The following ZNF775 variants were observed in gnomAD, a reference collection of about 807,000 sequenced individuals.
The protein encoded by ZNF775 is zinc finger protein 775.
ZNF775 carries 1 observed loss-of-function variant against 2.4 expected under a neutral mutation model. The ratio of observed to expected loss-of-function variants is 0.41; its 90% CI spans 0.15 to 1.94. The LOEUF (loss-of-function observed/expected upper bound fraction) is 1.94. Among genes scored for constraint, ZNF775 ranks in the 30% most tolerant of loss-of-function variants. The pLI is 0.30. For missense variants in ZNF775, 823 were observed against 826.6 expected, an observed-to-expected ratio of 1.00 and a Z score of 0.05; for synonymous variants, 381 against 373.3, an observed-to-expected ratio of 1.02 and a Z score of -0.24.
chr7:150,397,440 A>G lies in ZNF775; in HGVS notation c.959A>G (p.Gln320Arg). The change falls in exon 3 of 3, where the codon CAG becomes CGG. Residue 320 changes from glutamine to arginine, a missense_variant. Coordinates refer to ENST00000329630, the MANE Select transcript of ZNF775 (RefSeq NM_173680.4). ...ACPECGRRFS[Q>R]KPNLTRHLRN... is the part of the protein sequence containing the mutation. The stretch of plus-strand genomic sequence containing the variant: ...CCCGAGTGCGGCCGCCGCTTCAGCC[A>G]GAAGCCCAACTTGACGCGGCACCTG... The G allele has an allele frequency of 6.3e-7, 1 of 1,595,300 alleles. No homozygotes were observed. The highest frequency in any genetic ancestry group is 1.1e-5 in the South Asian group (1 of 90,950).
At chr7:150,395,980 A>G (rs957772269) in intron 2 of ZNF775, among the ~76,000 whole-genome samples, 8 of 152,240 alleles carry the variant, frequency 5.3e-5, no homozygotes, top group Admixed American at 2.0e-4. Context: ...ACGGTGCTGC[A>G]GTGACCCAGG....
chr7:150,387,916 G>A (rs886078236), intron 1 of ZNF775, among the ~76,000 whole-genome samples: 3 of 152,240 alleles, frequency 2.0e-5, no homozygotes, highest in Non-Finnish European at 4.4e-5. Flanking sequence ...AAGCTCCCCA[G>A]AGGGATTTGT....
At chr7:150,393,100 T>C (rs1032204120) in intron 2 of ZNF775, among the ~76,000 whole-genome samples, 1 of 152,096 alleles carries the variant, frequency 6.6e-6, no homozygotes, top group African/African-American at 2.4e-5. Flanking sequence ...ATACAGAATA[T>C]TTCACTGCCC....
chr7:150,386,232 A>C (rs1800449645), intron 1 of ZNF775, among the ~76,000 whole-genome samples: 1 of 152,170 alleles, frequency 6.6e-6, no homozygotes, highest in South Asian at 2.1e-4. Context: ...CACCGTGCCC[A>C]GCCTTATTTA....
chr7:150,395,041 G>A (rs1235117104), intron 2 of ZNF775, among the ~76,000 whole-genome samples: 3 of 151,286 alleles, frequency 2.0e-5, no homozygotes, highest in Admixed American at 6.6e-5. Flanking sequence ...CCTCACTTGA[G>A]GCTTTAGCAG....
At position 150,398,016 on chromosome 7, in the gene ZNF775, G is replaced by C. The variant is rs1443356500; in HGVS notation, c.1535G>C (p.Ser512Thr). The change falls in exon 3 of 3, where the codon AGC (serine) becomes ACC (threonine). Residue 512 changes from serine (S) to threonine (T), a missense_variant. Physicochemically the swap from Ser to Thr is moderately conservative, Grantham distance 58. Transcript: ENST00000329630. ...TGTCCCGCCTGCGGCCGCGGCTTCA[G>C]CCAGAAGCAGCACCTGCTCAAGCAC... ...YLCPACGRGF[S>T]QKQHLLKHQR... 3 of 1,582,628 alleles carry C rather than the reference G, an allele frequency of 1.9e-6. No individual in the cohort carries two copies. Among genetic ancestry groups the C allele is most frequent in the Non-Finnish European group, 2.6e-6 (3 of 1,170,144 alleles).
At chr7:150,386,595 C>G (rs1369819843) in intron 1 of ZNF775, among the ~76,000 whole-genome samples, 1 of 151,944 alleles carries the variant, frequency 6.6e-6, no homozygotes, top group African/African-American at 2.4e-5. Context: ...GGTGGCCGAG[C>G]CAGGGTGCCT....
rs1433034986 is a variant in ZNF775 at position 150,396,574 on chromosome 7, G to A, written c.93G>A (p.Ala31=). 3 of 1,606,288 alleles carry A rather than the reference G, an allele frequency of 1.9e-6. No individual in the cohort carries two copies. Among genetic ancestry groups the A allele is most frequent in the African/African-American group, 2.7e-5 (2 of 74,882 alleles). Residue 31 remains alanine (A), a synonymous_variant, in exon 3 of 3, where the codon GCG becomes GCA. Coordinates refer to ENST00000329630, the MANE Select transcript of ZNF775 (RefSeq NM_173680.4). Reference sequence around the variant, plus strand: ...CGGAGCGGCTGCTGCAGACGCTGGCGCCGCAGGCCATGCTTGTGGAGAAGG... The same window carrying A: ...CGGAGCGGCTGCTGCAGACGCTGGCACCGCAGGCCATGCTTGTGGAGAAGG... The part of the protein sequence containing the change: ...EKPERLLQTL[A]PQAMLVEKDK...
chr7:150,397,734 G>A lies in ZNF775; in HGVS notation c.1253G>A (p.Ser418Asn), dbSNP rs760019044. 6.2e-6 allele frequency: 9 copies of A among 1,450,118 alleles called. No individual in the cohort carries two copies. Among genetic ancestry groups the A allele is most frequent in the Admixed American group, 2.7e-5 (1 of 36,762 alleles). The allele number at this position is 1,450,118 out of a possible 1,614,324, so 89.8% of individuals were successfully genotyped here. A position where few individuals can be genotyped will look rare whatever the true frequency, so the allele number is the denominator to read the frequency against. ...AIPGLAARPR[S>N]SQRSPGARDT... ...CCGGGCTTGGCCGCGAGGCCGCGGA[G>A]CTCCCAACGGTCCCCGGGGGCCCGG... The change falls in exon 3 of 3, where the codon AGC (serine) becomes AAC (asparagine). Residue 418 changes from serine to asparagine, a missense_variant. Coordinates refer to ENST00000329630, the MANE Select transcript of ZNF775 (RefSeq NM_173680.4).
At chr7:150,391,059 T>A (rs1018937514) in intron 2 of ZNF775, among the ~76,000 whole-genome samples, 5 of 152,244 alleles carry the variant, frequency 3.3e-5, no homozygotes, top group Admixed American at 6.5e-5. Flanking sequence ...CTAGTGGGGT[T>A]GAACCTCTTT....
In ZNF775 at chr7:150,397,773, G is replaced by GC; in HGVS notation, c.1294dup (p.Arg432ProfsTer40). 5 of 1,533,288 alleles carry GC rather than the reference G, an allele frequency of 3.3e-6. No homozygotes were observed. The highest frequency in any genetic ancestry group is 4.4e-6 in the Non-Finnish European group (5 of 1,144,476). 95.0% of individuals were successfully genotyped at this position (1,533,288 alleles called of 1,614,324 possible). Reference sequence around the variant, plus strand: ...CCGGGGGCCCGGGACACGCTGTGGGGCCGGGGACAAGCGGGCCTCGCTGGG... The same window carrying GC: ...CCGGGGGCCCGGGACACGCTGTGGGGCCCGGGGACAAGCGGGCCTCGCTGGG... On this transcript the variant is annotated frameshift_variant, in exon 3 of 3. Transcript: ENST00000329630. LOFTEE classifies it low-confidence loss of function (END_TRUNC).
At chr7:150,389,640 G>A (rs1194971804) in intron 2 of ZNF775, among the ~76,000 whole-genome samples, 1 of 152,188 alleles carries the variant, frequency 6.6e-6, no homozygotes, top group Non-Finnish European at 1.5e-5. Flanking sequence ...TGGTTGATGT[G>A]AGCTGTGGTC....
chr7:150,389,912 TG>T (rs1800531078), intron 2 of ZNF775, among the ~76,000 whole-genome samples: 1 of 2,806 alleles, frequency 3.6e-4, no homozygotes, highest in African/African-American at 1.3e-3. Context: ...TGTGTGTGTG[TG>T]TGTGTGTTAT....
intron 1 of ZNF775, among the ~76,000 whole-genome samples, chr7:150,386,118 T>C (rs1386781229): frequency 2.6e-5 from 4 of 152,156 alleles, no homozygotes; most frequent in Non-Finnish European, 2.9e-5. Flanking sequence ...GTATTTTTAG[T>C]AGAGACGGGG....
Position 150,398,024 on chromosome 7 carries a change from C to T in ZNF775, c.1543C>T (p.Gln515Ter). 2 of 1,580,710 alleles carry T rather than the reference C, an allele frequency of 1.3e-6. No individual in the cohort carries two copies. The highest frequency in any genetic ancestry group is 1.1e-5 in the South Asian group (1 of 88,736). ...CTGCGGCCGCGGCTTCAGCCAGAAG[C>T]AGCACCTGCTCAAGCACCAGCGCGT... ...PACGRGFSQK[Q>*]HLLKHQRVHR... Residue 515 changes from glutamine (Q) to a stop codon, truncating the protein, a stop_gained, in exon 3 of 3, where the codon CAG becomes TAG. Coordinates refer to ENST00000329630, the MANE Select transcript of ZNF775 (RefSeq NM_173680.4). LOFTEE classifies it low-confidence loss of function (END_TRUNC).
chr7:150,398,159 G>T lies in ZNF775; in HGVS notation c.*64G>T. The T allele has an allele frequency of 2.0e-6, 3 of 1,521,320 alleles. No homozygotes were observed. Among genetic ancestry groups the T allele is most frequent in the East Asian group, 4.9e-5 (2 of 40,698 alleles). The allele number at this position is 1,521,320 out of a possible 1,614,324, so 94.2% of individuals were successfully genotyped here. A position where few individuals can be genotyped will look rare whatever the true frequency, so the allele number is the denominator to read the frequency against. ...TGTTTGCGGGGTGTGTGTGGGGAGT[G>T]GGGGTGGCCAGGATTGCTGGCTCTT... is the stretch of plus-strand genomic sequence containing the variant. On this transcript the variant is annotated 3_prime_UTR_variant, in exon 3 of 3. Transcript: ENST00000329630.
At chr7:150,387,286 ACT>A (rs1289445211) in intron 1 of ZNF775, among the ~76,000 whole-genome samples, 10 of 124,916 alleles carry the variant, frequency 8.0e-5, no homozygotes, top group Admixed American at 2.7e-4. Context: ...ACAGAGGAAG[ACT>A]CTGTCTCAAA....
At chr7:150,392,564 TCTCTC>T (rs1800578501) in intron 2 of ZNF775, among the ~76,000 whole-genome samples, 1 of 151,498 alleles carries the variant, frequency 6.6e-6, no homozygotes, top group Non-Finnish European at 1.5e-5. Flanking sequence ...TCTCTCTCTC[TCTCTC>T]TCTCTCTCTC....
intron 2 of ZNF775, among the ~76,000 whole-genome samples, chr7:150,395,698 T>G (rs868556074): frequency 6.6e-6 from 1 of 152,220 alleles, no homozygotes; most frequent in Admixed American, 6.5e-5. Context: ...CTTCTTATTC[T>G]GTGAGCTGGG....
Sources: allele counts gnomAD v4.1 joint callset (sites outside exome capture counted in the v4.1 genomes callset), GRCh38; gene constraint gnomAD v4.1.1; transcripts MANE v1.5; gene names NCBI Gene and HGNC (gene_info 2026-07-23, HGNC 2026-07-21).